Variants in ADAM19 observed in about 807,000 individuals in gnomAD.
The protein encoded by ADAM19 is disintegrin and metalloproteinase domain-containing protein 19.
In ADAM19, 65 loss-of-function variants were observed where a neutral mutation model predicts 114.7. The ratio of observed to expected loss-of-function variants is 0.57; its 90% CI spans 0.46 to 0.70. The LOEUF (loss-of-function observed/expected upper bound fraction) is 0.70. Ranked by LOEUF, ADAM19 falls within the 30% of genes least tolerant of loss-of-function variation. The pLI, the probability that ADAM19 is intolerant of heterozygous loss-of-function variation, is 0.00. For missense variants in ADAM19, 1,063 were observed against 1,204.7 expected (o/e 0.88, Z 1.74); for synonymous variants, 466 against 460.5 (o/e 1.01, Z -0.15).
chr5:157,491,246 AG>A (rs1755143616), intron 18 of ADAM19, among the ~76,000 whole-genome samples: 1 of 152,156 alleles, frequency 6.6e-6, no homozygotes, highest in Non-Finnish European at 1.5e-5. Flanking sequence ...TGTCCATCAG[AG>A]GAAATCTAAA....
At chr5:157,571,192 G>C (rs1757813476) in intron 1 of ADAM19, among the ~76,000 whole-genome samples, 1 of 152,192 alleles carries the variant, frequency 6.6e-6, no homozygotes, top group South Asian at 2.1e-4. Context: ...GTAAAGGTGG[G>C]AGACAGACAA....
intron 3 of ADAM19, among the ~76,000 whole-genome samples, chr5:157,552,112 C>T (rs1232581653): frequency 6.6e-6 from 1 of 152,016 alleles, no homozygotes; most frequent in Non-Finnish European, 1.5e-5. Context: ...GATCGCACCA[C>T]TGCACTCCAG....
intron 19 of ADAM19, 117 bp from the exon 20 acceptor site, chr5:157,489,303 C>T: frequency 1.4e-6 from 1 of 738,874 alleles, no homozygotes; most frequent in Non-Finnish European, 2.4e-6. Context: ...CCCAAGTCTG[C>T]TCTGGAGGGA....
At chr5:157,545,387 A>C (rs1757020883) in intron 3 of ADAM19, among the ~76,000 whole-genome samples, 1 of 152,194 alleles carries the variant, frequency 6.6e-6, no homozygotes. Context: ...GGCCAAATGA[A>C]TGCTTCATGA....
intron 3 of ADAM19, among the ~76,000 whole-genome samples, chr5:157,541,438 G>A (rs1310841841): frequency 1.3e-5 from 2 of 152,200 alleles, no homozygotes; most frequent in Non-Finnish European, 2.9e-5. Flanking sequence ...CCCACGGACA[G>A]GCAGAAATCA....
intron 3 of ADAM19, among the ~76,000 whole-genome samples, chr5:157,549,596 C>T (rs1328611616): frequency 6.6e-6 from 1 of 152,230 alleles, no homozygotes; most frequent in African/African-American, 2.4e-5. Context: ...CTTCCCCAGT[C>T]ACAAATTCCC....
At chr5:157,563,207 T>C (rs1030021822) in intron 3 of ADAM19, among the ~76,000 whole-genome samples, 1 of 152,100 alleles carries the variant, frequency 6.6e-6, no homozygotes, top group East Asian at 1.9e-4. Flanking sequence ...CAGCCTAAAC[T>C]GGCTTTACTC....
intron 7 of ADAM19, among the ~76,000 whole-genome samples, 174 bp downstream of exon 7, chr5:157,518,649 G>C (rs11466764): frequency 0.15 from 22,996 of 152,282 alleles, 1,809 homozygotes; most frequent in Middle Eastern, 0.24. Flanking sequence ...CACCCAAAGT[G>C]CTGGGATTAC....
At position 157,513,524 on chromosome 5, in the gene ADAM19, A is replaced by T. The variant is rs1238020339; in HGVS notation, c.667-19T>A. Reference sequence around the variant, plus strand: ...TCTGAAACTAAATGGGACAAGCAGAACCATGTGAGATCCCAGAACCTCTCA... The same window carrying T: ...TCTGAAACTAAATGGGACAAGCAGATCCATGTGAGATCCCAGAACCTCTCA... On this transcript the variant is annotated intron_variant, in intron 7 of 22. Coordinates refer to ENST00000257527, the MANE Select transcript of ADAM19 (RefSeq NM_033274.5). 1 of 1,610,354 alleles carries T rather than the reference A, an allele frequency of 6.2e-7. No individual in the cohort carries two copies. Among genetic ancestry groups the T allele is most frequent in the Non-Finnish European group, 8.5e-7 (1 of 1,176,590 alleles).
At chr5:157,508,294 A>G (rs1383765213) in intron 9 of ADAM19, among the ~76,000 whole-genome samples, 1 of 152,254 alleles carries the variant, frequency 6.6e-6, no homozygotes, top group Non-Finnish European at 1.5e-5. Context: ...TAACTCAGCT[A>G]TATTTAGGGA....
chr5:157,508,799 C>T (rs1755824625), intron 9 of ADAM19, among the ~76,000 whole-genome samples: 1 of 152,172 alleles, frequency 6.6e-6, no homozygotes, highest in Non-Finnish European at 1.5e-5. Context: ...ATGTCTCCCT[C>T]CAACCAAACC....
At chr5:157,492,812 G>A (rs1315609107) in intron 16 of ADAM19, among the ~76,000 whole-genome samples, 161 bp downstream of exon 16, 2 of 152,162 alleles carry the variant, frequency 1.3e-5, no homozygotes, top group Non-Finnish European at 2.9e-5. Context: ...AGTTCTCTGG[G>A]GTGGGTGCCT....
At chr5:157,554,305 T>C (rs1397102479) in intron 3 of ADAM19, among the ~76,000 whole-genome samples, 3 of 152,216 alleles carry the variant, frequency 2.0e-5, no homozygotes, top group African/African-American at 7.2e-5. Flanking sequence ...CCATTCATTT[T>C]ACCCCGTGCT....
In ADAM19 at chr5:157,505,800, G is replaced by C; in HGVS notation, c.999C>G (p.Ser333=). ...YQSGGVNMDH[S]ENAIGVAATM... ...TGGCAGCCACGCCAATGGCATTCTCGGAGTGGTCCTGCTCAGAAGACAGAG... is the reference window on the plus strand; with the variant it reads ...TGGCAGCCACGCCAATGGCATTCTCCGAGTGGTCCTGCTCAGAAGACAGAG... Residue 333 remains serine (S), a synonymous_variant, in exon 11 of 23, where the codon TCC becomes TCG. Transcript: ENST00000257527. 1 of 1,613,980 alleles carries C rather than the reference G, an allele frequency of 6.2e-7. No homozygotes were observed. Among genetic ancestry groups the C allele is most frequent in the Non-Finnish European group, 8.5e-7 (1 of 1,179,952 alleles).
At chr5:157,495,000 T>C (rs1386274597) in intron 14 of ADAM19, among the ~76,000 whole-genome samples, 10 of 152,128 alleles carry the variant, frequency 6.6e-5, no homozygotes, top group Non-Finnish European at 1.2e-4. Flanking sequence ...ATCCTTTTTT[T>C]TTTCTTTCAG....
At chr5:157,498,617 A>T (rs1238182729) in intron 13 of ADAM19, among the ~76,000 whole-genome samples, 1 of 152,002 alleles carries the variant, frequency 6.6e-6, no homozygotes, top group Non-Finnish European at 1.5e-5. Flanking sequence ...TTTCAGATTT[A>T]GAAAGCAGAT....
Position 157,575,538 on chromosome 5 carries a change from C to G in ADAM19, c.94+65G>C. ...GGGGTCGCGGTCCCAGCGCTCCGGA[C>G]CCGCAAGGCTACTCCCAGGTCTCCG... is the stretch of plus-strand genomic sequence containing the variant. On this transcript the variant is annotated intron_variant, in intron 1 of 22. Coordinates refer to ENST00000257527, the MANE Select transcript of ADAM19 (RefSeq NM_033274.5). 4.0e-6 allele frequency: 5 copies of G among 1,246,104 alleles called. No individual in the cohort carries two copies. The East Asian group carries it at 1.3e-4, about 31-fold the overall frequency. The allele number at this position is 1,246,104 out of a possible 1,614,324, so 77.2% of individuals were successfully genotyped here.
chr5:157,498,059 G>T (rs778565177), intron 13 of ADAM19, among the ~76,000 whole-genome samples: 9 of 152,168 alleles, frequency 5.9e-5, no homozygotes, highest in Non-Finnish European at 1.2e-4. Context: ...CTCCCAGGGG[G>T]ACGCACAGCC....
intron 4 of ADAM19, among the ~76,000 whole-genome samples, chr5:157,532,468 G>C (rs1280449483): frequency 2.0e-5 from 3 of 152,196 alleles, no homozygotes; most frequent in Non-Finnish European, 2.9e-5. Flanking sequence ...GACAGAAGGG[G>C]GTGAAATCAG....
Sources: allele counts gnomAD v4.1 joint callset (sites outside exome capture counted in the v4.1 genomes callset), GRCh38; gene constraint gnomAD v4.1.1; transcripts MANE v1.5; gene names NCBI Gene and HGNC (gene_info 2026-07-23, HGNC 2026-07-21).